TMTC4: variants seen among roughly 807,000 people sequenced by gnomAD.
TMTC4 encodes the protein transmembrane O-mannosyltransferase targeting cadherins 4.
Under a neutral mutation model 86.0 loss-of-function variants are expected in TMTC4, and 65 were observed. The observed-to-expected ratio is 0.76, with a 90% CI of 0.62 to 0.93. The LOEUF (loss-of-function observed/expected upper bound fraction) is 0.93, where lower values mean the gene tolerates loss of function less well. Ranked by LOEUF, TMTC4 falls within the 40% of genes least tolerant of loss-of-function variation. TMTC4 has a pLI of 0.00. For missense variants in TMTC4, 866 were observed against 948.1 expected (o/e 0.91, Z 1.14); for synonymous variants, 379 against 382.5 (o/e 0.99, Z 0.11).
chr13:100,670,023 C>G (rs571559689), intron 2 of TMTC4, among the ~76,000 whole-genome samples: 1 of 152,248 alleles, frequency 6.6e-6, no homozygotes, highest in East Asian at 1.9e-4. Context: ...AGGCCGGCTA[C>G]TATTACTAAT....
chr13:100,656,446 G>C lies in TMTC4; in HGVS notation c.575C>G (p.Ala192Gly). 6.2e-7 allele frequency: 1 copy of C among 1,610,066 alleles called. No homozygotes were observed. The highest frequency in any genetic ancestry group is 8.5e-7 in the Non-Finnish European group (1 of 1,178,008). ...TECVAGVVGR[A>G]DLLCALFFLL... The stretch of plus-strand genomic sequence containing the variant: ...GAAGAACAGGGCACACAGGAGGTCT[G>C]CACGGCCGACAACACCAGCAACCTT... Residue 192 changes from alanine (A) to glycine (G), a missense_variant, in exon 6 of 19, where the codon GCA becomes GGA. Ala to Gly is a moderately conservative substitution (Grantham distance 60). Coordinates refer to ENST00000342624, the MANE Select transcript of TMTC4 (RefSeq NM_032813.5).
At chr13:100,639,691 G>A (rs1223815208) in intron 7 of TMTC4, among the ~76,000 whole-genome samples, 3 of 152,186 alleles carry the variant, frequency 2.0e-5, no homozygotes, top group Non-Finnish European at 2.9e-5. Context: ...TGTAATCCCA[G>A]CACTTTGGGA....
At chr13:100,632,408 C>T (rs1881569229) in intron 12 of TMTC4, among the ~76,000 whole-genome samples, 1 of 152,136 alleles carries the variant, frequency 6.6e-6, no homozygotes, top group African/African-American at 2.4e-5. Flanking sequence ...TATAGAGCCT[C>T]TGTAAAGAAA....
chr13:100,617,127 A>ATTTTT (rs35707709), intron 15 of TMTC4, among the ~76,000 whole-genome samples: 4 of 147,870 alleles, frequency 2.7e-5, no homozygotes, highest in African/African-American at 9.9e-5. Context: ...TTCTTCTAGG[A>ATTTTT]TTTTTTTTTT....
At chr13:100,645,292 G>A (rs1883577015) in intron 6 of TMTC4, among the ~76,000 whole-genome samples, 2 of 152,198 alleles carry the variant, frequency 1.3e-5, no homozygotes, top group Admixed American at 1.3e-4. Context: ...TCACCTGGGT[G>A]TGCTTACTGA....
At chr13:100,643,783 C>T (rs902283119) in intron 6 of TMTC4, among the ~76,000 whole-genome samples, 1 of 152,258 alleles carries the variant, frequency 6.6e-6, no homozygotes, top group Non-Finnish European at 1.5e-5. Context: ...GTACTTGGGT[C>T]AGCCAAACCT....
intron 10 of TMTC4, among the ~76,000 whole-genome samples, chr13:100,636,076 CT>C (rs1299021217): frequency 2.6e-5 from 4 of 152,050 alleles, no homozygotes; most frequent in Non-Finnish European, 5.9e-5. Context: ...TTCTCAATAA[CT>C]TTTTTTTCCA....
At chr13:100,652,721 C>A (rs1884611697) in intron 6 of TMTC4, among the ~76,000 whole-genome samples, 1 of 152,112 alleles carries the variant, frequency 6.6e-6, no homozygotes, top group Non-Finnish European at 1.5e-5. Flanking sequence ...TGAGTGCCTG[C>A]TATGAGGGGT....
At position 100,614,339 on chromosome 13, in the gene TMTC4, A is replaced by G. The variant is rs1878131283; in HGVS notation, c.1928T>C (p.Met643Thr). 1 of 1,613,740 alleles carries G rather than the reference A, an allele frequency of 6.2e-7. No individual in the cohort carries two copies. Among genetic ancestry groups the G allele is most frequent in the Non-Finnish European group, 8.5e-7 (1 of 1,179,966 alleles). Residue 643 changes from methionine (M) to threonine (T), a missense_variant, in exon 16 of 19, where the codon ATG becomes ACG. Met to Thr is a moderately conservative substitution (Grantham distance 81). Transcript: ENST00000342624. ...KPEHSLAWNN[M>T]IILLDNTGNL... is the part of the protein sequence containing the mutation. The stretch of plus-strand genomic sequence containing the variant: ...ACCTGTATTGTCGAGGAGTATAATC[A>G]TGTTGTTCCAGGCCAGGCTGTGCTC...
At chr13:100,644,188 T>C (rs921728266) in intron 6 of TMTC4, among the ~76,000 whole-genome samples, 5 of 149,632 alleles carry the variant, frequency 3.3e-5, no homozygotes, top group African/African-American at 1.2e-4. Context: ...TCACTGCAAG[T>C]TCCGCCTCCT....
At position 100,656,449 on chromosome 13, in the gene TMTC4, C is replaced by T. The variant is rs779545369; in HGVS notation, c.572G>A (p.Arg191His). Reference protein sequence around the residue: ...HTECVAGVVGRADLLCALFFL... With the variant: ...HTECVAGVVGHADLLCALFFL... ...GAACAGGGCACACAGGAGGTCTGCA[C>T]GGCCGACAACACCAGCAACCTTAAA... Residue 191 changes from arginine (R) to histidine (H), a missense_variant, in exon 6 of 19, where the codon CGT becomes CAT. Coordinates refer to ENST00000342624, the MANE Select transcript of TMTC4 (RefSeq NM_032813.5). The T allele has an allele frequency of 6.2e-6, 10 of 1,609,798 alleles. No individual in the cohort carries two copies. The highest frequency in any genetic ancestry group is 1.6e-4 in the Middle Eastern group (1 of 6,076).
At chr13:100,639,661 C>T (rs1341486327) in intron 7 of TMTC4, among the ~76,000 whole-genome samples, 1 of 152,204 alleles carries the variant, frequency 6.6e-6, no homozygotes, top group Non-Finnish European at 1.5e-5. Context: ...CAGAGGAGGC[C>T]TGGCGTGGTG....
Position 100,614,376 on chromosome 13 carries a change from C to A in TMTC4, c.1891G>T (p.Val631Leu). The stretch of plus-strand genomic sequence containing the variant: ...GCCAGGCTGTGCTCTGGTTTCAGCA[C>A]GGTGGCATTTCTCCACGCATTCAAG... ...DALNAWRNAT[V>L]LKPEHSLAWN... Residue 631 changes from valine to leucine, a missense_variant, in exon 16 of 19, where the codon GTG becomes TTG. By Grantham distance (32) the Val-to-Leu change is conservative. Transcript: ENST00000342624. The A allele has an allele frequency of 3.1e-6, 5 of 1,613,524 alleles. 2 individuals are homozygous for A. In the South Asian group the frequency reaches 5.5e-5, roughly 18 times the overall value.
intron 5 of TMTC4, among the ~76,000 whole-genome samples, chr13:100,662,381 G>T (rs1331766633): frequency 6.6e-6 from 1 of 151,714 alleles, no homozygotes. Context: ...AGTCCTGCCC[G>T]ACATCCACTT....
At chr13:100,673,382 G>A in intron 1 of TMTC4, 1 of 984,934 alleles carries the variant, frequency 1.0e-6, no homozygotes, top group Non-Finnish European at 1.2e-6. Context: ...ATGCATCCAG[G>A]GGCCTGCTGA....
In TMTC4 at chr13:100,649,762, AAAAT is replaced by A. The variant is rs3059451; in HGVS notation, c.640+6615_640+6618del. Among the ~76,000 whole-genome samples, 861 of 148,760 alleles carry A rather than the reference AAAAT, an allele frequency of 5.8e-3. 3 individuals carry two copies. Among genetic ancestry groups the A allele is most frequent in the African/African-American group, 0.014 (554 of 40,934 alleles). On this transcript the variant is annotated intron_variant, in intron 6 of 18. Transcript: ENST00000342624. ...CGCCATCATTAAGATATTCTTCTTC[AAAAT>A]AAATAAATAAATAAATAAATAAATA...
chr13:100,642,460 G>C, intron 6 of TMTC4, 149 bp from the exon 7 acceptor site: 1 of 797,810 alleles, frequency 1.3e-6, no homozygotes, highest in Admixed American at 2.4e-5. Flanking sequence ...CTGTGGGCAA[G>C]AGTGCATTAG....
At chr13:100,643,291 C>A (rs1883277993) in intron 6 of TMTC4, among the ~76,000 whole-genome samples, 1 of 152,220 alleles carries the variant, frequency 6.6e-6, no homozygotes, top group Admixed American at 6.5e-5. Context: ...TTACTCGGTT[C>A]AATTCCACTT....
intron 7 of TMTC4, 22 bp downstream of exon 7, chr13:100,642,189 C>G (rs146261611): frequency 2.5e-6 from 4 of 1,612,738 alleles, no homozygotes; most frequent in African/African-American, 1.3e-5. Flanking sequence ...AAAGCAGGCC[C>G]CAGCCATGTT....
Sources: gnomAD v4.1 joint callset for allele counts (sites outside exome capture counted in the v4.1 genomes callset) on GRCh38, gnomAD v4.1.1 for gene constraint, MANE v1.5 for transcripts, NCBI Gene and HGNC (gene_info 2026-07-23, HGNC 2026-07-21) for gene names.